The following GRID2 variants were observed in gnomAD, a reference collection of about 807,000 sequenced individuals.
GRID2 encodes glutamate ionotropic receptor delta type subunit 2, also known as glutamate receptor ionotropic, delta-2.
In GRID2, 33 loss-of-function variants were observed where a neutral mutation model predicts 114.8. The ratio of observed to expected loss-of-function variants is 0.29; its 90% CI spans 0.22 to 0.38. GRID2 has a LOEUF of 0.38. Ranked by LOEUF, GRID2 falls within the 10% of genes least tolerant of loss-of-function variation. The pLI is 1.00. For missense variants in GRID2, 1,184 were observed against 1,257.7 expected (o/e 0.94, Z 0.89); for synonymous variants, 505 against 449.9 (o/e 1.12, Z -1.55).
intron 1 of GRID2, among the ~76,000 whole-genome samples, chr4:92,483,435 G>T (rs1722712412): frequency 6.6e-6 from 1 of 152,120 alleles, no homozygotes; most frequent in Non-Finnish European, 1.5e-5. Flanking sequence ...GTTGAATGTT[G>T]AGTTAGTTTT....
intron 2 of GRID2, among the ~76,000 whole-genome samples, chr4:93,051,768 A>C (rs1245492213): frequency 6.6e-6 from 1 of 152,010 alleles, no homozygotes; most frequent in Admixed American, 6.6e-5. Flanking sequence ...TGTAACCTGA[A>C]ATGTTTCGTT....
At chr4:93,681,850 C>A (rs1240464538) in intron 14 of GRID2, among the ~76,000 whole-genome samples, 1 of 151,886 alleles carries the variant, frequency 6.6e-6, no homozygotes, top group Admixed American at 6.6e-5. Flanking sequence ...TAGGCATTAC[C>A]ATTCAGGACA....
intron 7 of GRID2, among the ~76,000 whole-genome samples, chr4:93,233,002 T>C (rs899311339): frequency 1.3e-5 from 2 of 152,144 alleles, no homozygotes; most frequent in African/African-American, 2.4e-5. Flanking sequence ...AAATATGTCA[T>C]TGGAGGGCCT....
intron 4 of GRID2, among the ~76,000 whole-genome samples, chr4:93,144,761 T>G (rs1304384081): frequency 2.0e-5 from 3 of 152,094 alleles, no homozygotes; most frequent in African/African-American, 7.2e-5. Context: ...ACAATATTTC[T>G]TCATCAAAAT....
chr4:93,782,844 T>C (rs1294971730), intron 1 of GRID2, among the ~76,000 whole-genome samples: 1 of 152,204 alleles, frequency 6.6e-6, no homozygotes, highest in Non-Finnish European at 1.5e-5. Context: ...TTCTTTGCTA[T>C]GTACTCTTGC....
intron 1 of GRID2, among the ~76,000 whole-genome samples, chr4:92,366,616 A>G (rs866439780): frequency 1.1e-4 from 17 of 152,142 alleles, no homozygotes; most frequent in Middle Eastern, 3.4e-3. Flanking sequence ...CTAGAATTAC[A>G]TCAAAATTTA....
intron 13 of GRID2, among the ~76,000 whole-genome samples, chr4:93,617,174 T>C (rs113856264): frequency 6.6e-6 from 1 of 152,180 alleles, no homozygotes; most frequent in Non-Finnish European, 1.5e-5. Flanking sequence ...CCAACACGTC[T>C]GTTAGCAAAA....
chr4:93,783,986 G>A (rs1007074568), intron 1 of GRID2, among the ~76,000 whole-genome samples: 1 of 146,050 alleles, frequency 6.8e-6, no homozygotes, highest in Non-Finnish European at 1.5e-5. Context: ...GCAGGAGAAT[G>A]GCGTGAACCC....
chr4:93,412,236 C>CA (rs1237494195), intron 9 of GRID2, among the ~76,000 whole-genome samples: 5 of 150,946 alleles, frequency 3.3e-5, no homozygotes, highest in African/African-American at 1.2e-4. Context: ...CCATCCCCCC[C>CA]CCCCAAAAAA....
At position 93,566,174 on chromosome 4, in the gene GRID2, A is replaced by G. The variant is rs562497918; in HGVS notation, c.2193+50763A>G. Among the ~76,000 whole-genome samples the G allele has an allele frequency of 1.2e-4, 18 of 152,354 alleles. 1 individual carries two copies. The highest frequency in any genetic ancestry group is 8.5e-4 in the Admixed American group (13 of 15,294). On this transcript the variant is annotated intron_variant, in intron 13 of 15. Coordinates refer to ENST00000282020, the MANE Select transcript of GRID2 (RefSeq NM_001510.4). ...TGGAAAAGCAAATTGTGACACTATC[A>G]GGATACAGGATACTACTCAACAATG...
chr4:93,589,628 A>G (rs1016248285), intron 13 of GRID2, among the ~76,000 whole-genome samples: 5 of 151,806 alleles, frequency 3.3e-5, no homozygotes, highest in Non-Finnish European at 5.9e-5. Context: ...GAATCGCCAC[A>G]CTGACTTCCA....
intron 1 of GRID2, among the ~76,000 whole-genome samples, chr4:92,401,535 A>G (rs1730789440): frequency 6.6e-6 from 1 of 152,202 alleles, no homozygotes; most frequent in African/African-American, 2.4e-5. Context: ...AAATATAATA[A>G]TAAAGTGAGT....
intron 2 of GRID2, among the ~76,000 whole-genome samples, chr4:93,019,158 G>A (rs1723040652): frequency 6.6e-6 from 1 of 151,992 alleles, no homozygotes; most frequent in African/African-American, 2.4e-5. Flanking sequence ...GGATCTAAAA[G>A]TCTCCATGAT....
chr4:92,728,232 T>C (rs1166946448), intron 2 of GRID2, among the ~76,000 whole-genome samples: 2 of 152,096 alleles, frequency 1.3e-5, no homozygotes, highest in Non-Finnish European at 2.9e-5. Flanking sequence ...TTCCTTCTCT[T>C]TTACTCTTCT....
intron 2 of GRID2, among the ~76,000 whole-genome samples, chr4:92,690,187 T>C (rs1734108287): frequency 6.6e-6 from 1 of 151,532 alleles, no homozygotes; most frequent in South Asian, 2.1e-4. Context: ...TTTCTAGCTT[T>C]CAACTGAAAG....
intron 2 of GRID2, among the ~76,000 whole-genome samples, chr4:92,910,509 G>A (rs1199576241): frequency 1.3e-5 from 2 of 152,210 alleles, no homozygotes; most frequent in South Asian, 4.1e-4. Context: ...AGAGACAGTA[G>A]GCCACTAAGA....
intron 1 of GRID2, among the ~76,000 whole-genome samples, chr4:92,411,624 C>CGTGTGTGTGT (rs1731305671): frequency 1.1e-5 from 1 of 90,912 alleles, no homozygotes; most frequent in African/African-American, 5.2e-5. Flanking sequence ...GATATATATG[C>CGTGTGTGTGT]ATGTGTGTGT....
At chr4:92,733,276 AC>A (rs753438597) in intron 2 of GRID2, among the ~76,000 whole-genome samples, 7 of 152,098 alleles carry the variant, frequency 4.6e-5, no homozygotes, top group Non-Finnish European at 8.8e-5. Flanking sequence ...TTTGGGCCAT[AC>A]TAACTTTCTG....
rs768914840 is a variant in GRID2 at position 93,515,430 on chromosome 4, C to T, written c.2193+19C>T. On this transcript the variant is annotated intron_variant, in intron 13 of 15. Transcript: ENST00000282020. ...TCAAAAGGTACTGTCCATGGTTCTCCTTTAATAGTCCTTACCATTTTGTGT... is the reference window on the plus strand; with the variant it reads ...TCAAAAGGTACTGTCCATGGTTCTCTTTTAATAGTCCTTACCATTTTGTGT... 2.0e-6 allele frequency: 3 copies of T among 1,478,342 alleles called. No homozygotes were observed. Among genetic ancestry groups the T allele is most frequent in the East Asian group, 2.3e-5 (1 of 43,254 alleles). The allele number at this position is 1,478,342 out of a possible 1,614,324, so 91.6% of individuals were successfully genotyped here. A position where few individuals can be genotyped will look rare whatever the true frequency, so the allele number is the denominator to read the frequency against.
Sources: allele counts gnomAD v4.1 joint callset (sites outside exome capture counted in the v4.1 genomes callset), GRCh38; gene constraint gnomAD v4.1.1; transcripts MANE v1.5; gene names NCBI Gene and HGNC (gene_info 2026-07-23, HGNC 2026-07-21).